NXPH1: variants seen among roughly 807,000 people sequenced by gnomAD.
NXPH1 encodes the protein neurexophilin 1.
A neutral mutation model predicts 23.7 loss-of-function variants in NXPH1; 5 were observed. That is an observed-to-expected ratio of 0.21 (90% CI 0.11 to 0.44). The LOEUF (loss-of-function observed/expected upper bound fraction) is 0.44. Among genes scored for constraint, NXPH1 ranks in the 20% least tolerant of loss-of-function variants. The probability of loss-of-function intolerance (pLI) is 0.99; values close to 1 mark genes in which losing one functional copy is unlikely to be tolerated. For missense variants in NXPH1, 324 were observed against 321.6 expected, an observed-to-expected ratio of 1.01 and a Z score of -0.06; for synonymous variants, 144 against 122.2, an observed-to-expected ratio of 1.18 and a Z score of -1.18.
chr7:8,561,935 T>G (rs1051970952), intron 2 of NXPH1, among the ~76,000 whole-genome samples: 5 of 151,744 alleles, frequency 3.3e-5, no homozygotes, highest in African/African-American at 1.2e-4. Flanking sequence ...ACATGATGTT[T>G]CGATATACAT....
At chr7:8,648,779 T>C (rs4480005) in intron 2 of NXPH1, among the ~76,000 whole-genome samples, 107,149 of 152,074 alleles carry the variant, frequency 0.7, 38,554 homozygotes, top group East Asian at 1. Flanking sequence ...TTTTTATTTG[T>C]ATAATTTATC....
At chr7:8,738,201 G>A (rs938361235) in intron 2 of NXPH1, among the ~76,000 whole-genome samples, 1 of 152,138 alleles carries the variant, frequency 6.6e-6, no homozygotes, top group African/African-American at 2.4e-5. Flanking sequence ...TCATCATTTG[G>A]AGGAGAAGAG....
At position 8,661,082 on chromosome 7, in the gene NXPH1, C is replaced by A. The variant is rs909646683; in HGVS notation, c.55-89926C>A. Among the ~76,000 whole-genome samples, 6 of 151,834 alleles carry A rather than the reference C, an allele frequency of 4.0e-5. No individual in the cohort carries two copies. The East Asian group carries it at 1.2e-3, about 29-fold the overall frequency. ...AAAAATATAGCAGAGTGATTGCTTC[C>A]TCTACAAATCATATCTGAATAATAA... On this transcript the variant is annotated intron_variant, in intron 2 of 2. Transcript: ENST00000405863.
intron 2 of NXPH1, among the ~76,000 whole-genome samples, chr7:8,568,647 CAA>C (rs79150555): frequency 0.03 from 3,219 of 108,564 alleles, 123 homozygotes; most frequent in African/African-American, 0.082. Flanking sequence ...TCATTCTTAG[CAA>C]AAAAAAAAAA....
chr7:8,552,114 C>CAAAAAAAAAAAAAA (rs34390317), intron 2 of NXPH1, among the ~76,000 whole-genome samples: 5 of 61,732 alleles, frequency 8.1e-5, no homozygotes, highest in African/African-American at 2.1e-4. Context: ...GAAAAAAAAC[C>CAAAAAAAAAAAAAA]AAAAAAAAAA....
chr7:8,725,255 C>T (rs887737162), intron 2 of NXPH1, among the ~76,000 whole-genome samples: 2 of 152,086 alleles, frequency 1.3e-5, no homozygotes, highest in East Asian at 1.9e-4. Context: ...TTTGAGATGC[C>T]AAGGCAGGCA....
chr7:8,727,293 T>C (rs1051127925), intron 2 of NXPH1, among the ~76,000 whole-genome samples: 1 of 131,192 alleles, frequency 7.6e-6, no homozygotes, highest in East Asian at 2.3e-4. Context: ...AGGTTGCCTA[T>C]TCACTCTGAT....
chr7:8,530,332 G>A (rs548709606), intron 2 of NXPH1, among the ~76,000 whole-genome samples: 1 of 152,276 alleles, frequency 6.6e-6, no homozygotes, highest in South Asian at 2.1e-4. Context: ...AAAGCAACGT[G>A]TTAGAATACA....
chr7:8,651,042 T>C (rs1375938278), intron 2 of NXPH1, among the ~76,000 whole-genome samples: 18 of 149,374 alleles, frequency 1.2e-4, no homozygotes, highest in Admixed American at 3.4e-4. Context: ...TACATATGTA[T>C]ACATGTGCCA....
intron 2 of NXPH1, among the ~76,000 whole-genome samples, chr7:8,646,906 A>T (rs1051354819): frequency 6.6e-6 from 1 of 151,342 alleles, no homozygotes; most frequent in Non-Finnish European, 1.5e-5. Flanking sequence ...CGGGTGCATG[A>T]TGGGTAGGAA....
rs578159294 is a variant in NXPH1, at chr7:8,727,601, TC to T, written c.55-23403del. Among the ~76,000 whole-genome samples the T allele has an allele frequency of 1.7e-3, 264 of 152,302 alleles. 2 individuals carry two copies. Among genetic ancestry groups the T allele is most frequent in the Admixed American group, 0.014 (210 of 15,300 alleles). On this transcript the variant is annotated intron_variant, in intron 2 of 2. Transcript: ENST00000405863. ...ACCATTTATTAAATAGGGAATCCTT[TC>T]CCCATTGCTTGTGTTTCTCAGGTTT...
At chr7:8,578,734 C>T (rs1195959419) in intron 2 of NXPH1, among the ~76,000 whole-genome samples, 1 of 152,138 alleles carries the variant, frequency 6.6e-6, no homozygotes, top group Non-Finnish European at 1.5e-5. Context: ...AGCATGCTTG[C>T]TGCCAAGGAT....
At chr7:8,719,916 A>G (rs1162417519) in intron 2 of NXPH1, among the ~76,000 whole-genome samples, 1 of 152,198 alleles carries the variant, frequency 6.6e-6, no homozygotes, top group East Asian at 1.9e-4. Flanking sequence ...TAACACTGGG[A>G]CAGGGGGATT....
intron 2 of NXPH1, among the ~76,000 whole-genome samples, chr7:8,545,469 C>T (rs1356392885): frequency 6.6e-6 from 1 of 151,458 alleles, no homozygotes; most frequent in Non-Finnish European, 1.5e-5. Context: ...AAATACTGTC[C>T]TCTTGTAGAG....
At chr7:8,589,863 AAT>A (rs1819056006) in intron 2 of NXPH1, among the ~76,000 whole-genome samples, 1 of 152,090 alleles carries the variant, frequency 6.6e-6, no homozygotes. Context: ...GCCACCATCC[AAT>A]AGATAGCCAC....
intron 2 of NXPH1, among the ~76,000 whole-genome samples, chr7:8,636,595 G>A (rs1175936746): frequency 6.6e-6 from 1 of 152,198 alleles, no homozygotes; most frequent in African/African-American, 2.4e-5. Flanking sequence ...CAGTCATTTA[G>A]TGAGTATGGC....
chr7:8,454,511 T>C (rs570722913), intron 2 of NXPH1, among the ~76,000 whole-genome samples: 1 of 152,144 alleles, frequency 6.6e-6, no homozygotes, highest in East Asian at 1.9e-4. Flanking sequence ...ATTTGACTTG[T>C]ATTGATTGGG....
At chr7:8,570,822 G>A (rs762566164) in intron 2 of NXPH1, among the ~76,000 whole-genome samples, 13 of 151,772 alleles carry the variant, frequency 8.6e-5, no homozygotes, top group Non-Finnish European at 1.8e-4. Context: ...AGTCATGGTA[G>A]ATTGGGTGGT....
chr7:8,509,557 C>G (rs11972718), intron 2 of NXPH1, among the ~76,000 whole-genome samples: 43,612 of 151,846 alleles, frequency 0.29, 6,438 homozygotes, highest in Middle Eastern at 0.32. Flanking sequence ...TCCTCTGATT[C>G]TTCTGCTCCA....
Sources: allele counts gnomAD v4.1 joint callset (sites outside exome capture counted in the v4.1 genomes callset), GRCh38; gene constraint gnomAD v4.1.1; transcripts MANE v1.5; gene names NCBI Gene and HGNC (gene_info 2026-07-23, HGNC 2026-07-21).